The following PHF8 variants were observed in gnomAD, a reference collection of about 807,000 sequenced individuals.
PHF8 encodes PHD finger protein 8.
Under a neutral mutation model 74.4 loss-of-function variants are expected in PHF8, and 9 were observed. That is an observed-to-expected ratio of 0.12 (90% CI 0.07 to 0.21). The LOEUF (loss-of-function observed/expected upper bound fraction) is 0.21, where lower values mean the gene tolerates loss of function less well. PHF8 is among the 10% of genes least tolerant of loss of function. The probability of loss-of-function intolerance (pLI) is 1.00; values close to 1 mark genes in which losing one functional copy is unlikely to be tolerated. For synonymous variants in PHF8, 311 were observed against 316.6 expected, an observed-to-expected ratio of 0.98 and a Z score of 0.19; for missense variants, 478 against 816.6, an observed-to-expected ratio of 0.59 and a Z score of 5.05.
At position 53,972,063 on chromosome X, in the gene PHF8, G is replaced by A. The variant is rs782043703; in HGVS notation, c.2444-9124C>T. ...ACTTCGGCCGGCTGCGGTGGCTCAC[G>A]CCTGTAATCCCAGCACTTTGGGAGG... is the stretch of plus-strand genomic sequence containing the variant. On this transcript the variant is annotated intron_variant, in intron 18 of 21. Transcript: ENST00000338154. Among the ~76,000 whole-genome samples the A allele has an allele frequency of 1.9e-3, 207 of 111,054 alleles. 1 individual carries two copies. Among genetic ancestry groups the A allele is most frequent in the South Asian group, 3.4e-3 (9 of 2,652 alleles).
At chrX:53,993,347 T>C (rs2149839284) in intron 13 of PHF8, among the ~76,000 whole-genome samples, 1 of 112,191 alleles carries the variant, frequency 8.9e-6, no homozygotes, top group African/African-American at 3.2e-5. Context: ...CAATACTTGA[T>C]TGCACTCATT....
rs1267260068 is a variant in PHF8, at chrX:53,985,895, T to A, written c.2050A>T (p.Asn684Tyr). Residue 684 changes from asparagine to tyrosine, a missense_variant, in exon 17 of 22, where the codon AAT becomes TAT. Transcript: ENST00000338154. ...MVEGVEGKLG[N>Y]GSGAGGILDL... ...AGAATGCCACCAGCGCCACTACCAT[T>A]CCCAAGCTTGCCTTCAACCCCTTCC... The A allele has an allele frequency of 8.3e-7, 1 of 1,206,846 alleles. No individual in the cohort carries two copies. The highest frequency in any genetic ancestry group is 1.8e-5 in the African/African-American group (1 of 56,782).
Position 53,995,763 on chromosome X carries a change from T to A in PHF8, c.1253A>T (p.Asp418Val). 8.4e-7 allele frequency: 1 copy of A among 1,191,703 alleles called. No homozygotes were observed. Among genetic ancestry groups the A allele is most frequent in the Non-Finnish European group, 1.1e-6 (1 of 877,871 alleles). ...GGTTCGCACTGTCTCCGGGATCTCA[T>A]CCTCATGGTCTGGCAGAGCCTGTCA... ...TRKEALPDHE[D>V]EIPETVRTVQ... The change falls in exon 12 of 22, where the codon GAT becomes GTT. Residue 418 changes from aspartate to valine, a missense_variant. Physicochemically the swap from Asp to Val is radical, Grantham distance 152 (BLOSUM62 -3). This residue lies in a region of PHF8 where 153 missense variants were observed against 164.8 expected (regional missense o/e 0.93). Coordinates refer to ENST00000338154, the MANE Select transcript of PHF8 (RefSeq NM_015107.3).
chrX:53,942,212 C>G (rs1339992741), intron 20 of PHF8, among the ~76,000 whole-genome samples: 1 of 111,838 alleles, frequency 8.9e-6, no homozygotes, highest in Non-Finnish European at 1.9e-5. Context: ...CTTCCACAGT[C>G]TGGCTGTTTA....
chrX:53,937,291 C>A lies in PHF8; in HGVS notation c.*1867G>T, dbSNP rs1422539186. ...AGAAATAGAGGGAAAAGGCCGGAAT[C>A]GGGGGGATTTGCTAGCAATTAGCTG... On this transcript the variant is annotated 3_prime_UTR_variant, in exon 22 of 22. Coordinates refer to ENST00000338154, the MANE Select transcript of PHF8 (RefSeq NM_015107.3). 2 of 111,413 alleles carry A rather than the reference C, an allele frequency of 1.8e-5. No homozygotes were observed. The highest frequency in any genetic ancestry group is 3.8e-5 in the Non-Finnish European group (2 of 53,076). The allele number at this position is 111,413 out of a possible 1,213,427, so 9.2% of individuals were successfully genotyped here. A position where few individuals can be genotyped will look rare whatever the true frequency, so the allele number is the denominator to read the frequency against.
intron 18 of PHF8, among the ~76,000 whole-genome samples, chrX:53,976,354 GA>G (rs1389050724): frequency 9.1e-6 from 1 of 110,093 alleles, no homozygotes; most frequent in African/African-American, 3.3e-5. Context: ...AAAAAGAAAC[GA>G]AAAAGGTCTC....
intron 18 of PHF8, among the ~76,000 whole-genome samples, chrX:53,965,702 A>G (rs1353766153): frequency 1.8e-5 from 2 of 112,330 alleles, no homozygotes; most frequent in South Asian, 3.7e-4. Context: ...TAACTGCACA[A>G]TAAGGAATAC....
chrX:54,009,844 G>GGAAA lies in PHF8; in HGVS notation c.946+1277_946+1278insTTTC, dbSNP rs2065952773. 4.2e-3 allele frequency among the ~76,000 whole-genome samples: 39 copies of GGAAA among 9,388 alleles called. 6 individuals are homozygous for GGAAA. Among genetic ancestry groups the GGAAA allele is most frequent in the African/African-American group, 5.3e-3 (34 of 6,415 alleles). 8.2% of individuals were successfully genotyped at this position (9,388 alleles called of 115,157 possible). A position where few individuals can be genotyped will look rare whatever the true frequency, so the allele number is the denominator to read the frequency against. On this transcript the variant is annotated intron_variant, in intron 8 of 21. Transcript: ENST00000338154. ...GGTGACAGAGTGAGACTCTGTCTCA[G>GGAAA]AAAAAAAAAAAAAAAAAAAAAAAAA...
Position 53,992,785 on chromosome X carries a change from C to A in PHF8, c.1681G>T (p.Asp561Tyr). 1 of 1,205,985 alleles carries A rather than the reference C, an allele frequency of 8.3e-7. No individual in the cohort carries two copies. Among genetic ancestry groups the A allele is most frequent in the East Asian group, 3.0e-5 (1 of 33,799 alleles). ...NDSDDDSPDL[D>Y]LDGNESPLAL... Reference sequence around the variant, plus strand: ...AATGGGCTCTCATTTCCATCAAGGTCCAAGTCTGGTGAGTCGTCATCTGAG... The same window carrying A: ...AATGGGCTCTCATTTCCATCAAGGTACAAGTCTGGTGAGTCGTCATCTGAG... The change falls in exon 14 of 22, where the codon GAC becomes TAC. Residue 561 changes from aspartate to tyrosine, a missense_variant. Asp to Tyr is a radical substitution (Grantham distance 160, BLOSUM62 -3). Coordinates refer to ENST00000338154, the MANE Select transcript of PHF8 (RefSeq NM_015107.3).
chrX:54,006,619 T>C (rs1333145319), intron 8 of PHF8, among the ~76,000 whole-genome samples: 1 of 111,733 alleles, frequency 8.9e-6, no homozygotes, highest in Non-Finnish European at 1.9e-5. Flanking sequence ...ATATGAAAGC[T>C]GAACCAAAAA....
chrX:54,040,323 T>C (rs1557115519), intron 2 of PHF8, among the ~76,000 whole-genome samples: 1 of 111,290 alleles, frequency 9.0e-6, no homozygotes. Flanking sequence ...CTTTTTTTCA[T>C]GAAGACTCAT....
Position 53,938,142 on chromosome X carries a change from G to GA in PHF8, c.*1015dup. ...AGACCTCAGGTGGAGAAAGAAGCATGAAAAGTTCCCGATGGAGGACCCAGG... is the reference window on the plus strand; with the variant it reads ...AGACCTCAGGTGGAGAAAGAAGCATGAAAAAGTTCCCGATGGAGGACCCAGG... On this transcript the variant is annotated 3_prime_UTR_variant, in exon 22 of 22. Transcript: ENST00000338154. The GA allele has an allele frequency of 4.4e-6, 5 of 1,135,340 alleles. No individual in the cohort carries two copies. Among genetic ancestry groups the GA allele is most frequent in the Non-Finnish European group, 5.8e-6 (5 of 857,316 alleles). The allele number at this position is 1,135,340 out of a possible 1,213,427, so 93.6% of individuals were successfully genotyped here.
In PHF8 at chrX:53,938,838, C is replaced by G; in HGVS notation, c.*320G>C. The G allele has an allele frequency of 1.2e-6, 1 of 834,633 alleles. No individual in the cohort carries two copies. The highest frequency in any genetic ancestry group is 1.4e-6 in the Non-Finnish European group (1 of 690,987). The allele number at this position is 834,633 out of a possible 1,213,427, so 68.8% of individuals were successfully genotyped here. ...TCCTCATCCTGCCTTCCAGCTCTAG[C>G]GGGGGATGAAGAATAAAGAACAGAC... On this transcript the variant is annotated 3_prime_UTR_variant, in exon 22 of 22. Coordinates refer to ENST00000338154, the MANE Select transcript of PHF8 (RefSeq NM_015107.3).
intron 19 of PHF8, among the ~76,000 whole-genome samples, chrX:53,948,751 C>T (rs782310274): frequency 1.8e-5 from 2 of 111,154 alleles, no homozygotes; most frequent in Non-Finnish European, 3.8e-5. Context: ...CGGCCGGGCA[C>T]GGTGGCTCAC....
intron 19 of PHF8, among the ~76,000 whole-genome samples, chrX:53,949,750 T>C (rs976806909): frequency 1.0e-5 from 1 of 96,107 alleles, no homozygotes; most frequent in Non-Finnish European, 2.0e-5. Flanking sequence ...AGGCGGAGCT[T>C]GCAGTGAGCG....
In PHF8 at chrX:54,044,374, G is replaced by A. The variant is rs2066612659; in HGVS notation, c.-705C>T. On this transcript the variant is annotated 5_prime_UTR_variant, in exon 1 of 22. Coordinates refer to ENST00000338154, the MANE Select transcript of PHF8 (RefSeq NM_015107.3). The stretch of plus-strand genomic sequence containing the variant: ...AACAATGAGGAAGTTGAGGCGGAGA[G>A]GGGAGGAGAAATACGGGATAAACAG... 2 of 750,689 alleles carry A rather than the reference G, an allele frequency of 2.7e-6. No homozygotes were observed. Among genetic ancestry groups the A allele is most frequent in the Admixed American group, 1.7e-4 (2 of 11,688 alleles). 61.9% of individuals were successfully genotyped at this position (750,689 alleles called of 1,213,427 possible).
intron 19 of PHF8, among the ~76,000 whole-genome samples, chrX:53,957,346 T>C (rs940683036): frequency 1.0e-4 from 11 of 106,719 alleles, no homozygotes; most frequent in Admixed American, 2.0e-4. Flanking sequence ...AACGACTCTG[T>C]CTCAAAAAAC....
intron 18 of PHF8, among the ~76,000 whole-genome samples, chrX:53,971,958 G>C (rs781887358): frequency 1.8e-4 from 20 of 111,379 alleles, no homozygotes; most frequent in Non-Finnish European, 2.8e-4. Context: ...TTGAAAAGAA[G>C]GGACTCCTCC....
At chrX:54,040,076 T>C (rs2066527440) in intron 2 of PHF8, 1 of 112,169 alleles carries the variant, frequency 8.9e-6, no homozygotes, top group South Asian at 3.7e-4. Flanking sequence ...GGTCTCACTA[T>C]AAGAGCAAGA....
Sources: allele counts gnomAD v4.1 joint callset (sites outside exome capture counted in the v4.1 genomes callset), GRCh38; gene constraint gnomAD v4.1.1; regional missense constraint gnomAD v4.1.1; transcripts MANE v1.5; gene names NCBI Gene and HGNC (gene_info 2026-07-23, HGNC 2026-07-21).